Variants in CLCN5 observed in about 807,000 individuals in gnomAD.
The protein encoded by CLCN5 is Cl-/H+ antiporter 5.
Under a neutral mutation model 54.0 loss-of-function variants are expected in CLCN5, and 17 were observed. That is an observed-to-expected ratio of 0.31 (90% CI 0.22 to 0.47). The LOEUF (loss-of-function observed/expected upper bound fraction) is 0.47. Ranked by LOEUF, CLCN5 falls within the 20% of genes least tolerant of loss-of-function variation. The probability of loss-of-function intolerance (pLI) is 1.00; values close to 1 mark genes in which losing one functional copy is unlikely to be tolerated. For synonymous variants in CLCN5, 222 were observed against 233.0 expected (o/e 0.95, Z 0.43); for missense variants, 448 against 646.7 (o/e 0.69, Z 3.33).
At chrX:50,066,587 G>C (rs1449109819) in intron 4 of CLCN5, among the ~76,000 whole-genome samples, 4 of 111,910 alleles carry the variant, frequency 3.6e-5, no homozygotes, top group African/African-American at 1.3e-4. Context: ...TAGGGAGTTG[G>C]GAGATAGCAA....
chrX:50,016,116 A>G (rs1930775890), intron 3 of CLCN5, among the ~76,000 whole-genome samples: 1 of 111,625 alleles, frequency 9.0e-6, no homozygotes, highest in African/African-American at 3.3e-5. Flanking sequence ...GTTAGAAATA[A>G]ACTCTCAGGC....
intron 3 of CLCN5, among the ~76,000 whole-genome samples, chrX:49,931,087 C>T (rs5906894): frequency 1.1e-4 from 12 of 111,188 alleles, no homozygotes; most frequent in Non-Finnish European, 1.9e-4. Flanking sequence ...TCTCTGGGGA[C>T]GGGACAGAGA....
chrX:50,088,331 C>T (rs1391142979), intron 11 of CLCN5: 2 of 218,927 alleles, frequency 9.1e-6, no homozygotes, highest in Non-Finnish European at 1.7e-5. Flanking sequence ...AAAGGGTAGT[C>T]ATTGTTGATA....
At chrX:49,965,876 T>C (rs1315746694) in intron 3 of CLCN5, among the ~76,000 whole-genome samples, 2 of 112,210 alleles carry the variant, frequency 1.8e-5, no homozygotes, top group Non-Finnish European at 3.8e-5. Context: ...GGTGATCATA[T>C]GGTTTAATAG....
At chrX:49,954,447 G>A (rs1226887525) in intron 3 of CLCN5, among the ~76,000 whole-genome samples, 1 of 111,410 alleles carries the variant, frequency 9.0e-6, no homozygotes, top group Non-Finnish European at 1.9e-5. Flanking sequence ...CAAAAGATTG[G>A]ACACCCCTGT....
chrX:49,944,579 A>G (rs1357927344), intron 3 of CLCN5, among the ~76,000 whole-genome samples: 1 of 111,854 alleles, frequency 8.9e-6, no homozygotes, highest in Non-Finnish European at 1.9e-5. Flanking sequence ...GATACGTCCC[A>G]TCAATACCGA....
chrX:49,945,355 A>G (rs782519166), intron 3 of CLCN5: 12 of 111,474 alleles, frequency 1.1e-4, no homozygotes, highest in African/African-American at 3.6e-4. Context: ...AATTTTTTCA[A>G]AAATGTGCAT....
intron 4 of CLCN5, among the ~76,000 whole-genome samples, chrX:50,042,705 T>C (rs1376004436): frequency 9.0e-6 from 1 of 110,708 alleles, no homozygotes; most frequent in East Asian, 2.8e-4. Flanking sequence ...AGTGATCTTT[T>C]CTCTGTCCTT....
rs918865699 is a variant in CLCN5, at chrX:49,963,287, T to C, written c.16+37973T>C. ...AGAAGCTGATTAGGATTTCAGAAGA[T>C]ACTATTAAAACAGGTGGCCATCATA... On this transcript the variant is annotated intron_variant, in intron 3 of 14. Coordinates refer to ENST00000376091, the MANE Select transcript of CLCN5 (RefSeq NM_001127898.4). Among the ~76,000 whole-genome samples, 7 of 111,545 alleles carry C rather than the reference T, an allele frequency of 6.3e-5. No homozygotes were observed. The South Asian group carries it at 1.1e-3, about 18-fold the overall frequency.
intron 3 of CLCN5, among the ~76,000 whole-genome samples, chrX:49,938,706 A>G (rs1377626403): frequency 2.7e-5 from 3 of 111,045 alleles, no homozygotes; most frequent in Non-Finnish European, 3.8e-5. Context: ...AACCTAGGCA[A>G]TACCATTCAG....
Position 49,945,604 on chromosome X carries a change from GTTTTTTTTTTT to G in CLCN5, c.16+20303_16+20313del, listed in dbSNP as rs1162822439. Reference sequence around the variant, plus strand: ...GGGCTCGCGCCACCACGCCCAGCTAGTTTTTTTTTTTTTTTTTTTTTTTGTATTTTTAGTAG... The same window carrying G: ...GGGCTCGCGCCACCACGCCCAGCTAGTTTTTTTTTTTTGTATTTTTAGTAG... On this transcript the variant is annotated intron_variant, in intron 3 of 14. Transcript: ENST00000376091. Among the ~76,000 whole-genome samples, 6 of 71,137 alleles carry G rather than the reference GTTTTTTTTTTT, an allele frequency of 8.4e-5. No individual in the cohort carries two copies. In the East Asian group the frequency reaches 2.3e-3, roughly 28 times the overall value. 61.8% of individuals were successfully genotyped at this position (71,137 alleles called of 115,157 possible).
At chrX:49,961,012 G>C (rs1927569736) in intron 3 of CLCN5, among the ~76,000 whole-genome samples, 1 of 111,710 alleles carries the variant, frequency 9.0e-6, no homozygotes, top group Admixed American at 9.5e-5. Flanking sequence ...TCCAGATTCA[G>C]ATTAGGTGGG....
chrX:50,088,796 A>G lies in CLCN5; in HGVS notation c.1656A>G (p.Glu552=). ...GMEQLAYYHQ[E]WTVFNSWCSQ... ...AACAGCTGGCTTATTACCACCAGGA[A>G]TGGACCGTCTTCAATAGCTGGTGTA... The change falls in exon 12 of 15, where the codon GAA becomes GAG. Residue 552 remains glutamate, a synonymous_variant. Transcript: ENST00000376091. 8.3e-7 allele frequency: 1 copy of G among 1,211,642 alleles called. No homozygotes were observed. Among genetic ancestry groups the G allele is most frequent in the Non-Finnish European group, 1.1e-6 (1 of 895,248 alleles).
chrX:50,016,113 A>G (rs782711262), intron 3 of CLCN5, among the ~76,000 whole-genome samples: 1 of 111,705 alleles, frequency 9.0e-6, no homozygotes, highest in African/African-American at 3.3e-5. Context: ...CTTGTTAGAA[A>G]TAAACTCTCA....
At chrX:50,019,310 TA>T (rs1930947015) in intron 3 of CLCN5, among the ~76,000 whole-genome samples, 2 of 110,474 alleles carry the variant, frequency 1.8e-5, no homozygotes, top group South Asian at 7.7e-4. Context: ...TTTCCTTAAT[TA>T]TTTTTACATT....
rs782188881 is a variant in CLCN5, at chrX:50,058,133, AT to A, written c.164-11740del. ...ATATATCGCTGTAAAACTGAAATAC[AT>A]TTTTTAAAGGGACTATTTTCAAGTC... On this transcript the variant is annotated intron_variant, in intron 4 of 14. Transcript: ENST00000376091. Among the ~76,000 whole-genome samples, 4 of 111,739 alleles carry A rather than the reference AT, an allele frequency of 3.6e-5. No homozygotes were observed. In the South Asian group the frequency reaches 1.1e-3, roughly 31 times the overall value.
At chrX:49,940,372 A>C (rs1231296466) in intron 3 of CLCN5, among the ~76,000 whole-genome samples, 3 of 112,140 alleles carry the variant, frequency 2.7e-5, no homozygotes, top group African/African-American at 9.7e-5. Context: ...GCTGACTGAA[A>C]TCATATCTCT....
chrX:49,938,540 AG>A lies in CLCN5; in HGVS notation c.16+13228del, dbSNP rs1237882378. 4.5e-5 allele frequency among the ~76,000 whole-genome samples: 5 copies of A among 111,926 alleles called. No homozygotes were observed. In the Admixed American group the frequency reaches 4.8e-4, roughly 11 times the overall value. On this transcript the variant is annotated intron_variant, in intron 3 of 14. Transcript: ENST00000376091. ...CCTGACGAAAACAAGCAATGGGGAA[AG>A]GATTCCCTAGTTAATAAATGGTGCT...
At chrX:49,930,595 G>A (rs900321875) in intron 3 of CLCN5, among the ~76,000 whole-genome samples, 2 of 111,116 alleles carry the variant, frequency 1.8e-5, no homozygotes, top group African/African-American at 3.3e-5. Context: ...AGCAGATTCC[G>A]AACTGTTGAT....
Sources: allele counts gnomAD v4.1 joint callset (sites outside exome capture counted in the v4.1 genomes callset), GRCh38; gene constraint gnomAD v4.1.1; transcripts MANE v1.5; gene names NCBI Gene and HGNC (gene_info 2026-07-23, HGNC 2026-07-21).